GULP1: variants seen among roughly 807,000 people sequenced by gnomAD.
GULP1 encodes GULP PTB domain containing engulfment adaptor 1.
In GULP1, 19 loss-of-function variants were observed where a neutral mutation model predicts 40.9. That is an observed-to-expected ratio of 0.46 (90% CI 0.32 to 0.68). GULP1 has a LOEUF of 0.68. Ranked by LOEUF, GULP1 falls within the 30% of genes least tolerant of loss-of-function variation. GULP1 has a pLI of 0.03. For missense variants in GULP1, 312 were observed against 362.2 expected (o/e 0.86, Z 1.12); for synonymous variants, 119 against 117.6 (o/e 1.01, Z -0.08).
chr2:188,557,889 A>G (rs1238513774), intron 7 of GULP1, among the ~76,000 whole-genome samples: 3 of 152,192 alleles, frequency 2.0e-5, no homozygotes, highest in African/African-American at 7.2e-5. Flanking sequence ...TCTTTGAGCC[A>G]TAGTTGGAAA....
chr2:188,472,425 A>C (rs976227857), intron 2 of GULP1, among the ~76,000 whole-genome samples: 1 of 151,956 alleles, frequency 6.6e-6, no homozygotes. Flanking sequence ...TGCTCTTTTG[A>C]GGCTATTTTC....
intron 2 of GULP1, among the ~76,000 whole-genome samples, chr2:188,401,607 G>A (rs1330811660): frequency 6.6e-6 from 1 of 152,000 alleles, no homozygotes; most frequent in Non-Finnish European, 1.5e-5. Context: ...AAAGTTGTGG[G>A]AGAAAAAGGA....
At position 188,539,970 on chromosome 2, in the gene GULP1, C is replaced by T. The variant is rs543587479; in HGVS notation, c.262-1211C>T. Among the ~76,000 whole-genome samples, 10 of 152,176 alleles carry T rather than the reference C, an allele frequency of 6.6e-5. No homozygotes were observed. The East Asian group carries it at 1.3e-3, about 21-fold the overall frequency. On this transcript the variant is annotated intron_variant, in intron 6 of 11. Coordinates refer to ENST00000409830, the MANE Select transcript of GULP1 (RefSeq NM_016315.4). ...AAGCACCCCAGGTATTTGTGCTACA[C>T]GTTGTCTGAAGCCACCTTTAGAGAA... is the stretch of plus-strand genomic sequence containing the variant.
At chr2:188,536,684 T>G (rs777832797) in intron 6 of GULP1, among the ~76,000 whole-genome samples, 9 of 152,176 alleles carry the variant, frequency 5.9e-5, no homozygotes, top group Non-Finnish European at 7.4e-5. Flanking sequence ...TGGTTTCATA[T>G]GCAGTTTAGA....
intron 1 of GULP1, among the ~76,000 whole-genome samples, chr2:188,377,225 A>G (rs1386455844): frequency 6.6e-6 from 1 of 152,178 alleles, no homozygotes; most frequent in Non-Finnish European, 1.5e-5. Flanking sequence ...TTATGTACAA[A>G]GATATGTACT....
At chr2:188,303,517 G>T (rs2036505766) in intron 1 of GULP1, among the ~76,000 whole-genome samples, 3 of 152,154 alleles carry the variant, frequency 2.0e-5, no homozygotes, top group Admixed American at 1.3e-4. Flanking sequence ...TGAAACTGTA[G>T]GTAGGAATGT....
Position 188,399,714 on chromosome 2 carries a change from A to AC in GULP1, c.-45+15826dup, listed in dbSNP as rs1553540230. On this transcript the variant is annotated intron_variant, in intron 2 of 11. Transcript: ENST00000409830. ...AGAAAAAAAAAAAAAAAAAAAAAAA[A>AC]CATCAAACTGTAATAACAATAAAAT... is the stretch of plus-strand genomic sequence containing the variant. Among the ~76,000 whole-genome samples, 1,001 of 131,026 alleles carry AC rather than the reference A, an allele frequency of 7.6e-3. 52 individuals are homozygous for AC. Among genetic ancestry groups the AC allele is most frequent in the Middle Eastern group, 0.019 (4 of 206 alleles). 86.0% of individuals were successfully genotyped at this position (131,026 alleles called of 152,430 possible). A position where few individuals can be genotyped will look rare whatever the true frequency, so the allele number is the denominator to read the frequency against.
intron 9 of GULP1, among the ~76,000 whole-genome samples, chr2:188,580,386 T>C (rs184946778): frequency 0.037 from 5,644 of 151,810 alleles, 133 homozygotes; most frequent in Middle Eastern, 0.075. Context: ...ACCCCGTCTC[T>C]ACTAAAAATA....
chr2:188,469,586 C>G (rs1262741233), intron 2 of GULP1, among the ~76,000 whole-genome samples: 2 of 152,032 alleles, frequency 1.3e-5, no homozygotes, highest in African/African-American at 4.8e-5. Flanking sequence ...TGAGCAGGAG[C>G]AAGAGAGAGT....
At chr2:188,303,657 CAT>C (rs1195567265) in intron 1 of GULP1, among the ~76,000 whole-genome samples, 1 of 152,144 alleles carries the variant, frequency 6.6e-6, no homozygotes, top group Non-Finnish European at 1.5e-5. Context: ...TGGAGGGAAA[CAT>C]AGCCAATAAC....
At chr2:188,340,614 A>C (rs1559128608) in intron 1 of GULP1, among the ~76,000 whole-genome samples, 1 of 152,314 alleles carries the variant, frequency 6.6e-6, no homozygotes, top group East Asian at 1.9e-4. Flanking sequence ...TAAATAGCTC[A>C]GTAGGCCCTC....
chr2:188,297,300 C>T (rs2035180327), intron 1 of GULP1, among the ~76,000 whole-genome samples: 1 of 151,934 alleles, frequency 6.6e-6, no homozygotes, highest in Non-Finnish European at 1.5e-5. Context: ...CCTTTCTACT[C>T]TTCTTAAGTA....
At chr2:188,318,121 A>G (rs2106524114) in intron 1 of GULP1, among the ~76,000 whole-genome samples, 1 of 152,322 alleles carries the variant, frequency 6.6e-6, no homozygotes, top group East Asian at 1.9e-4. Flanking sequence ...TATGTTAATA[A>G]ATGAGGAAAA....
intron 1 of GULP1, among the ~76,000 whole-genome samples, chr2:188,315,152 C>G (rs2038867424): frequency 6.6e-6 from 1 of 152,094 alleles, no homozygotes; most frequent in Admixed American, 6.6e-5. Context: ...AACTAATCTT[C>G]AATCCATGAA....
intron 2 of GULP1, among the ~76,000 whole-genome samples, chr2:188,390,621 A>G (rs1171813331): frequency 6.6e-6 from 1 of 152,030 alleles, no homozygotes; most frequent in Non-Finnish European, 1.5e-5. Flanking sequence ...TAGTTTAATT[A>G]GGTCCCATTT....
chr2:188,541,358 T>A, intron 7 of GULP1, 40 bp downstream of exon 7: 1 of 1,578,960 alleles, frequency 6.3e-7, no homozygotes, highest in East Asian at 2.2e-5. Flanking sequence ...TGTTCTGTTT[T>A]ATAAGCCAGG....
At chr2:188,558,205 T>C (rs555224933) in intron 7 of GULP1, among the ~76,000 whole-genome samples, 32 of 152,214 alleles carry the variant, frequency 2.1e-4, no homozygotes, top group African/African-American at 7.5e-4. Context: ...TCATCTTGAA[T>C]TGTACTCCCA....
intron 11 of GULP1, chr2:188,589,833 A>G (rs763094558): frequency 6.3e-6 from 4 of 632,372 alleles, no homozygotes; most frequent in Non-Finnish European, 1.0e-5. Context: ...GCCTTATTTA[A>G]TAAAAATTCA....
intron 1 of GULP1, among the ~76,000 whole-genome samples, chr2:188,319,107 T>C (rs757242693): frequency 2.6e-5 from 4 of 152,224 alleles, no homozygotes; most frequent in Admixed American, 6.5e-5. Flanking sequence ...AAAGCTGTTA[T>C]TGTAACTGTT....
Sources: allele counts gnomAD v4.1 joint callset (sites outside exome capture counted in the v4.1 genomes callset), GRCh38; gene constraint gnomAD v4.1.1; transcripts MANE v1.5; gene names NCBI Gene and HGNC (gene_info 2026-07-23, HGNC 2026-07-21).